WDPCP: variants seen among roughly 807,000 people sequenced by gnomAD.
The protein encoded by WDPCP is WD repeat-containing and planar cell polarity effector protein fritz homolog.
Under a neutral mutation model 93.1 loss-of-function variants are expected in WDPCP, and 71 were observed. The ratio of observed to expected loss-of-function variants is 0.76; its 90% CI spans 0.63 to 0.93. The LOEUF (loss-of-function observed/expected upper bound fraction) is 0.93. Among genes scored for constraint, WDPCP ranks in the 40% least tolerant of loss-of-function variants. WDPCP has a pLI of 0.00. For missense variants in WDPCP, 844 were observed against 887.4 expected (o/e 0.95, Z 0.62); for synonymous variants, 315 against 315.0 (o/e 1.00, Z 0.00).
the WDPCP span, among the ~76,000 whole-genome samples, chr2:63,837,736 T>C: frequency 5.3e-5 from 8 of 152,246 alleles, no homozygotes; most frequent in South Asian, 1.0e-3. Flanking sequence ...GTTCATCTCC[T>C]AGGTGGAAAT....
intron 6 of WDPCP, among the ~76,000 whole-genome samples, chr2:63,454,358 T>C (rs575627307): frequency 6.6e-6 from 1 of 150,490 alleles, no homozygotes; most frequent in Non-Finnish European, 1.5e-5. Context: ...TGTTTGGGGG[T>C]GGGGGACTGA....
rs140523433 is a variant in WDPCP, at chr2:63,383,043, C to A, written c.1436-949G>T. Among the ~76,000 whole-genome samples the A allele has an allele frequency of 1.8e-4, 27 of 152,146 alleles. No homozygotes were observed. The East Asian group carries it at 4.6e-3, about 26-fold the overall frequency. On this transcript the variant is annotated intron_variant, in intron 10 of 17. Transcript: ENST00000272321. ...GACTCCACCTATACCCTATGTAATA[C>A]TTCTACTAGTAACAAGAGAAAGAAC...
chr2:63,659,095 T>A (rs2106634893), intron 2 of WDPCP, among the ~76,000 whole-genome samples: 1 of 152,250 alleles, frequency 6.6e-6, no homozygotes, highest in South Asian at 2.1e-4. Context: ...AAAAAGTAAA[T>A]CTAACAAGAG....
In WDPCP at chr2:63,366,323, T is replaced by A. The variant is rs142237076; in HGVS notation, c.1748+12063A>T. Among the ~76,000 whole-genome samples, 938 of 152,134 alleles carry A rather than the reference T, an allele frequency of 6.2e-3. 4 individuals carry two copies. Among genetic ancestry groups the A allele is most frequent in the Non-Finnish European group, 0.01 (701 of 67,888 alleles). The stretch of plus-strand genomic sequence containing the variant: ...AACCCTACATGAAAAGTCTTATTCC[T>A]TAGCATTTAATTGATCTTGTTAGAA... On this transcript the variant is annotated intron_variant, in intron 12 of 17. Coordinates refer to ENST00000272321, the MANE Select transcript of WDPCP (RefSeq NM_015910.7).
rs778765124 is a variant in WDPCP at position 63,594,340 on chromosome 2, T to C, written n.488+56319A>G. ...TAACACCACGTAAATATGCAGCACA[T>C]TCATTTTCTACTGAGCCAGATGCAA... On this transcript the variant is annotated intron_variant and non_coding_transcript_variant, in intron 3 of 4. Coordinates refer to the WDPCP transcript ENST00000467687. The C allele has an allele frequency of 1.9e-5, 14 of 752,986 alleles. 1 individual carries two copies. In the South Asian group the frequency reaches 1.9e-4, roughly 10 times the overall value. The allele number at this position is 752,986 out of a possible 1,614,324, so 46.6% of individuals were successfully genotyped here.
chr2:63,738,128 A>C (rs1374815392), intron 2 of WDPCP, among the ~76,000 whole-genome samples: 1 of 152,096 alleles, frequency 6.6e-6, no homozygotes, highest in Non-Finnish European at 1.5e-5. Context: ...GGTGCTCTGT[A>C]GTTTTCCCAC....
At chr2:63,723,470 T>C (rs1214409850) in intron 2 of WDPCP, among the ~76,000 whole-genome samples, 1 of 152,216 alleles carries the variant, frequency 6.6e-6, no homozygotes, top group Non-Finnish European at 1.5e-5. Context: ...AATTTCTTTG[T>C]AGAAATTATC....
chr2:63,195,995 G>C (rs1453569175), intron 14 of WDPCP, among the ~76,000 whole-genome samples: 2 of 152,164 alleles, frequency 1.3e-5, no homozygotes, highest in African/African-American at 4.8e-5. Context: ...TGAGGTTTTT[G>C]AGTATCTGCT....
intron 12 of WDPCP, among the ~76,000 whole-genome samples, chr2:63,341,933 A>G (rs536305033): frequency 6.6e-6 from 1 of 152,270 alleles, no homozygotes; most frequent in South Asian, 2.1e-4. Flanking sequence ...TTTGGATATA[A>G]AGTGAGTCAC....
chr2:63,312,607 T>C (rs1686265074), intron 13 of WDPCP, among the ~76,000 whole-genome samples: 1 of 152,180 alleles, frequency 6.6e-6, no homozygotes, highest in Admixed American at 6.5e-5. Context: ...GGAAAGGACT[T>C]TTCCTTTGTT....
intron 2 of WDPCP, among the ~76,000 whole-genome samples, chr2:63,770,101 A>T (rs910980316): frequency 6.6e-6 from 1 of 151,988 alleles, no homozygotes; most frequent in Admixed American, 6.6e-5. Context: ...AGGATAATTT[A>T]AAAATTGCTA....
intron 1 of WDPCP, among the ~76,000 whole-genome samples, chr2:63,562,937 A>G (rs1454068780): frequency 6.6e-6 from 1 of 152,160 alleles, no homozygotes; most frequent in African/African-American, 2.4e-5. Flanking sequence ...GTGGAAAATG[A>G]TAGTTAAAAA....
At chr2:63,770,941 A>G (rs1308850625) in intron 2 of WDPCP, among the ~76,000 whole-genome samples, 1 of 151,956 alleles carries the variant, frequency 6.6e-6, no homozygotes, top group Non-Finnish European at 1.5e-5. Flanking sequence ...TAAACATTTT[A>G]TCTCTATTAT....
chr2:63,478,328 A>G (rs1192291024), intron 6 of WDPCP, among the ~76,000 whole-genome samples: 3 of 151,940 alleles, frequency 2.0e-5, no homozygotes, highest in African/African-American at 4.8e-5. Context: ...TATACCCTAG[A>G]AAAAAAATGG....
At chr2:63,790,282 G>A (rs1036575906) in intron 2 of WDPCP, among the ~76,000 whole-genome samples, 2 of 152,182 alleles carry the variant, frequency 1.3e-5, no homozygotes, top group East Asian at 1.9e-4. Flanking sequence ...TATAACAATC[G>A]ATAAATTCAC....
intron 2 of WDPCP, among the ~76,000 whole-genome samples, chr2:63,753,398 C>T (rs776258275): frequency 1.3e-5 from 2 of 152,110 alleles, no homozygotes; most frequent in East Asian, 1.9e-4. Flanking sequence ...CATTGCACTC[C>T]AGCCTGGGTG....
intron 2 of WDPCP, among the ~76,000 whole-genome samples, chr2:63,654,944 T>C (rs955468581): frequency 2.6e-5 from 4 of 152,194 alleles, no homozygotes; most frequent in Non-Finnish European, 2.9e-5. Flanking sequence ...TTGCCTTTGC[T>C]CTCAGCTCCT....
chr2:63,588,460 C>T lies in WDPCP; in HGVS notation c.-189G>A. The T allele has an allele frequency of 5.8e-6, 4 of 693,824 alleles. No homozygotes were observed. In the South Asian group the frequency reaches 6.3e-5, roughly 11 times the overall value. The allele number at this position is 693,824 out of a possible 1,614,324, so 43.0% of individuals were successfully genotyped here. A position where few individuals can be genotyped will look rare whatever the true frequency, so the allele number is the denominator to read the frequency against. ...TCGCTTAGCAACCTGAGAAGCTGTC[C>T]GGTCGTCCCAACTTATCAATTCCCC... On this transcript the variant is annotated 5_prime_UTR_variant, in exon 1 of 18. Coordinates refer to ENST00000272321, the MANE Select transcript of WDPCP (RefSeq NM_015910.7).
At position 63,449,821 on chromosome 2, in the gene WDPCP, G is replaced by A. The variant is rs1169927133; in HGVS notation, c.385-9950C>T. The stretch of plus-strand genomic sequence containing the variant: ...TGGGCACCATTACACAGCTGTCACA[G>A]GACTGCATCCTGCCCTGAAAACCAC... On this transcript the variant is annotated intron_variant, in intron 6 of 17. Transcript: ENST00000272321. 2.0e-5 allele frequency among the ~76,000 whole-genome samples: 3 copies of A among 152,076 alleles called. No homozygotes were observed. The South Asian group carries it at 6.2e-4, about 32-fold the overall frequency.
Sources: gnomAD v4.1 joint callset for allele counts (sites outside exome capture counted in the v4.1 genomes callset) on GRCh38, gnomAD v4.1.1 for gene constraint, MANE v1.5 for transcripts, NCBI Gene and HGNC (gene_info 2026-07-23, HGNC 2026-07-21) for gene names.